Variants in SLC4A5 observed in about 807,000 individuals in gnomAD.
SLC4A5 encodes the protein solute carrier family 4 member 5.
In SLC4A5, 96 loss-of-function variants were observed where a neutral mutation model predicts 120.4. That is an observed-to-expected ratio of 0.80 (90% CI 0.68 to 0.94). The LOEUF is 0.94. Among genes scored for constraint, SLC4A5 ranks in the 40% least tolerant of loss-of-function variants. The probability of loss-of-function intolerance (pLI) is 0.00; values close to 1 mark genes in which losing one functional copy is unlikely to be tolerated. For synonymous variants in SLC4A5, 550 were observed against 571.1 expected (o/e 0.96, Z 0.53); for missense variants, 1,259 against 1,459.5 (o/e 0.86, Z 2.24).
At chr2:74,252,254 C>T in exon 16 of SLC4A5, 5 of 1,607,526 alleles carry the variant, frequency 3.1e-6, no homozygotes, top group Non-Finnish European at 3.4e-6. Flanking sequence ...GCTTGTTCCG[C>T]CGGCCCCGCC....
chr2:74,279,626 C>T (rs557328308), intron 8 of SLC4A5, among the ~76,000 whole-genome samples: 40 of 152,168 alleles, frequency 2.6e-4, no homozygotes, highest in Non-Finnish European at 4.9e-4. Context: ...TACTGAACTC[C>T]AGACACGGTG....
At position 74,229,104 on chromosome 2, in the gene SLC4A5, C is replaced by CTTTTTTTTTTTTTT. The variant is rs55689286; in HGVS notation, c.2848-1227_2848-1226insAAAAAAAAAAAAAA. On this transcript the variant is annotated intron_variant, in intron 25 of 30. Transcript: ENST00000394019. ...AAAGAAGTCTGTTCTTAGATTTGAG[C>CTTTTTTTTTTTTTT]TTTTTTTTTTTTCTTGAGACAGAGT... 1.1e-3 allele frequency among the ~76,000 whole-genome samples: 104 copies of CTTTTTTTTTTTTTT among 98,588 alleles called. 12 individuals carry two copies. The highest frequency in any genetic ancestry group is 2.6e-3 in the African/African-American group (57 of 22,070). The allele number at this position is 98,588 out of a possible 152,430, so 64.7% of individuals were successfully genotyped here. A position where few individuals can be genotyped will look rare whatever the true frequency, so the allele number is the denominator to read the frequency against.
chr2:74,287,163 ACTTATTT>A (rs1310706960), intron 7 of SLC4A5, among the ~76,000 whole-genome samples: 1 of 151,748 alleles, frequency 6.6e-6, no homozygotes, highest in African/African-American at 2.4e-5. Context: ...TTCTGTCCTC[ACTTATTT>A]CTTCATGGAC....
intron 25 of SLC4A5, among the ~76,000 whole-genome samples, chr2:74,230,429 A>T (rs1670032919): frequency 6.6e-6 from 1 of 152,106 alleles, no homozygotes; most frequent in South Asian, 2.1e-4. Flanking sequence ...GAGGAGCTTC[A>T]AGCTGTGTGG....
chr2:74,320,903 A>G (rs949634141), intron 5 of SLC4A5, among the ~76,000 whole-genome samples: 18 of 152,358 alleles, frequency 1.2e-4, no homozygotes, highest in South Asian at 4.1e-4. Context: ...AGTCATAGAA[A>G]GGAAAAGTAA....
intron 10 of SLC4A5, 151 bp from the exon 11 acceptor site, chr2:74,262,383 A>G: frequency 2.1e-6 from 1 of 478,592 alleles, no homozygotes; most frequent in Non-Finnish European, 3.6e-6. Flanking sequence ...TTTTTTTTTT[A>G]ATTTAAGCAA....
At position 74,227,534 on chromosome 2, in the gene SLC4A5, G is replaced by C. The variant is rs754732637; in HGVS notation, c.2916+276C>G. The C allele has an allele frequency of 1.9e-6, 3 of 1,612,510 alleles. No individual in the cohort carries two copies. The South Asian group carries it at 3.3e-5, about 18-fold the overall frequency. ...ATGCTCACTGGAGTCAGCTTCTTCT[G>C]GATTTTGAATTCTGACCCTCCGGTC... On this transcript the variant is annotated intron_variant, in intron 26 of 30. Transcript: ENST00000394019.
chr2:74,313,016 C>CTT (rs371111831), intron 6 of SLC4A5, among the ~76,000 whole-genome samples: 2 of 124,686 alleles, frequency 1.6e-5, no homozygotes, highest in African/African-American at 5.8e-5. Context: ...GGCACTTGTC[C>CTT]TTTTTTTTTT....
exon 24 of SLC4A5, chr2:74,232,501 G>T: frequency 1.9e-6 from 3 of 1,614,010 alleles, no homozygotes; most frequent in Non-Finnish European, 2.5e-6. Flanking sequence ...GCTCCCCAGG[G>T]GCACTGGTCT....
chr2:74,254,609 T>C lies in SLC4A5; in HGVS notation c.1113+10A>G, dbSNP rs765486216. ...AAATTCAGGAGTACAAGCTTCTGGT[T>C]ACCACTTACATCATCTACCATGAGG... On this transcript the variant is annotated intron_variant, in intron 14 of 30. Coordinates refer to ENST00000394019, the Ensembl canonical transcript of SLC4A5. 1.1e-4 allele frequency: 179 copies of C among 1,612,372 alleles called. 3 individuals carry two copies. The highest frequency in any genetic ancestry group is 1.1e-5 in the South Asian group (1 of 91,052).
At chr2:74,238,746 T>C (rs1355552181) in intron 21 of SLC4A5, among the ~76,000 whole-genome samples, 2 of 152,178 alleles carry the variant, frequency 1.3e-5, no homozygotes, top group African/African-American at 4.8e-5. Flanking sequence ...AATGAAGCTT[T>C]TAGAAGGTAA....
chr2:74,336,306 C>T (rs572123158), intron 3 of SLC4A5, among the ~76,000 whole-genome samples: 1 of 152,092 alleles, frequency 6.6e-6, no homozygotes, highest in Non-Finnish European at 1.5e-5. Context: ...TGGGCTCAAG[C>T]AATCCTCCCA....
chr2:74,252,123 T>G, intron 16 of SLC4A5, 56 bp downstream of exon 16: 6 of 1,569,554 alleles, frequency 3.8e-6, no homozygotes, highest in Non-Finnish European at 5.2e-6. Flanking sequence ...AGAGGGCAGC[T>G]GAGAAGGGAG....
chr2:74,264,489 C>CGTGTGTGTGTGTGTGT (rs59538523), intron 9 of SLC4A5, among the ~76,000 whole-genome samples, 190 bp from the exon 10 acceptor site: 3,862 of 143,690 alleles, frequency 0.027, 147 homozygotes, highest in East Asian at 0.17. Context: ...TTCAAGGGCA[C>CGTGTGTGTGTGTGTGT]GTGTGTGTGT....
At chr2:74,248,731 G>A (rs1333787699) in intron 17 of SLC4A5, among the ~76,000 whole-genome samples, 1 of 152,174 alleles carries the variant, frequency 6.6e-6, no homozygotes, top group African/African-American at 2.4e-5. Context: ...GGCACCCAGG[G>A]CCTAGAAAAC....
chr2:74,223,452 C>T (rs1436601495), intron 28 of SLC4A5, among the ~76,000 whole-genome samples: 1 of 152,186 alleles, frequency 6.6e-6, no homozygotes, highest in Admixed American at 6.5e-5. Flanking sequence ...CTGTCCTATA[C>T]ACACCATCAG....
At chr2:74,283,798 T>C (rs143018980) in intron 8 of SLC4A5, among the ~76,000 whole-genome samples, 1 of 152,020 alleles carries the variant, frequency 6.6e-6, no homozygotes, top group Non-Finnish European at 1.5e-5. Flanking sequence ...CAATGGTTTG[T>C]GGTACTCTAG....
chr2:74,224,896 C>G, exon 28 of SLC4A5: 1 of 1,614,152 alleles, frequency 6.2e-7, no homozygotes, highest in Non-Finnish European at 8.5e-7. Flanking sequence ...TTGTCTGTCT[C>G]CTTTTTTTCC....
chr2:74,273,976 C>T (rs1330038819), intron 8 of SLC4A5, among the ~76,000 whole-genome samples: 1 of 152,340 alleles, frequency 6.6e-6, no homozygotes, highest in East Asian at 1.9e-4. Flanking sequence ...ACCAGCCTGG[C>T]CAACATGGCA....
Sources: allele counts gnomAD v4.1 joint callset (sites outside exome capture counted in the v4.1 genomes callset), GRCh38; gene constraint gnomAD v4.1.1; transcripts MANE v1.5; gene names NCBI Gene and HGNC (gene_info 2026-07-23, HGNC 2026-07-21).